ZNF444: variants seen among roughly 807,000 people sequenced by gnomAD.
ZNF444 encodes the protein endothelial zinc finger protein 2.
ZNF444 carries 8 observed loss-of-function variants against 14.4 expected under a neutral mutation model. That is an observed-to-expected ratio of 0.56 (90% CI 0.33 to 1.00). The LOEUF is 1.00. Among genes scored for constraint, ZNF444 ranks in the 50% least tolerant of loss-of-function variants. The pLI is 0.03. For missense variants in ZNF444, 510 were observed against 504.8 expected (o/e 1.01, Z -0.10); for synonymous variants, 258 against 235.9 (o/e 1.09, Z -0.86).
rs2032177999 is a variant in ZNF444 at position 56,159,925 on chromosome 19, C to T, written c.708C>T (p.Pro236=). ...CGCACCCCGGCAGCCCCGGCAGCCC[C>T]GGGCCCGCGCTGCGCCCTCTGCCCG... ...RDTHPGSPGS[P]GPALRPLPAR... Residue 236 remains proline (P), a synonymous_variant, in exon 5 of 5, where the codon CCC becomes CCT. Coordinates refer to ENST00000337080, the MANE Select transcript of ZNF444 (RefSeq NM_018337.4). 2 of 1,486,282 alleles carry T rather than the reference C, an allele frequency of 1.3e-6. No homozygotes were observed. The highest frequency in any genetic ancestry group is 4.7e-5 in the Admixed American group (2 of 42,258). 92.1% of individuals were successfully genotyped at this position (1,486,282 alleles called of 1,614,324 possible). A position where few individuals can be genotyped will look rare whatever the true frequency, so the allele number is the denominator to read the frequency against.
rs1394840915 is a variant in ZNF444 at position 56,159,651 on chromosome 19, C to T, written c.434C>T (p.Pro145Leu). ...LAGTAPGAEG[P>L]APGDSQAVRP... is the part of the protein sequence containing the mutation. ...GGCACCGCCCCTGGGGCTGAGGGGC[C>T]GGCGCCTGGGGACTCCCAGGCTGTG... The change falls in exon 5 of 5, where the codon CCG becomes CTG. Residue 145 changes from proline (P) to leucine (L), a missense_variant. Pro to Leu is a moderately conservative substitution (Grantham distance 98, BLOSUM62 -3). Transcript: ENST00000337080. The T allele has an allele frequency of 6.8e-7, 1 of 1,459,884 alleles. No individual in the cohort carries two copies. The allele number at this position is 1,459,884 out of a possible 1,614,324, so 90.4% of individuals were successfully genotyped here. A position where few individuals can be genotyped will look rare whatever the true frequency, so the allele number is the denominator to read the frequency against.
In ZNF444 at chr19:56,160,112, ATCCACGGCCGGGCAGCGGCCAGCGCG is replaced by A; in HGVS notation, c.896_921del (p.Ile299ThrfsTer98). 1 of 1,491,736 alleles carries A rather than the reference ATCCACGGCCGGGCAGCGGCCAGCGCG, an allele frequency of 6.7e-7. No homozygotes were observed. The highest frequency in any genetic ancestry group is 8.9e-7 in the Non-Finnish European group (1 of 1,127,606). 92.4% of individuals were successfully genotyped at this position (1,491,736 alleles called of 1,614,324 possible). A position where few individuals can be genotyped will look rare whatever the true frequency, so the allele number is the denominator to read the frequency against. On this transcript the variant is annotated frameshift_variant, in exon 5 of 5. Transcript: ENST00000337080. LOFTEE classifies it low-confidence loss of function (END_TRUNC). ...CGAGCACGTGCTGCGCCACCAGCGC[ATCCACGGCCGGGCAGCGGCCAGCGCG>A]CAGGGGGCGGTAGCTCCGGGCCCGG...
At chr19:56,142,845 A>G (rs187939361) in intron 1 of ZNF444, among the ~76,000 whole-genome samples, 116 of 152,296 alleles carry the variant, frequency 7.6e-4, no homozygotes, top group African/African-American at 2.6e-3. Flanking sequence ...AACCCAGCAT[A>G]TGTGGGTGCT....
At chr19:56,156,828 CGCCTG>C (rs1345476364) in intron 3 of ZNF444, 1 of 152,460 alleles carries the variant, frequency 6.6e-6, no homozygotes, top group Non-Finnish European at 1.5e-5. Flanking sequence ...CCACAAGGCG[CGCCTG>C]TCCCCGCATG....
At chr19:56,150,512 C>G in intron 3 of ZNF444, 1 of 375,846 alleles carries the variant, frequency 2.7e-6, no homozygotes, top group East Asian at 7.2e-5. Flanking sequence ...AGGTTCAGAG[C>G]CTTCTCCTAT....
chr19:56,158,536 C>A lies in ZNF444; in HGVS notation c.340C>A (p.Pro114Thr), dbSNP rs149328297. 4 of 1,611,806 alleles carry A rather than the reference C, an allele frequency of 2.5e-6. No homozygotes were observed. The highest frequency in any genetic ancestry group is 3.4e-6 in the Non-Finnish European group (4 of 1,178,916). ...CGATGGGTCGTCAGCAACGAGGGTG[C>A]CTCAGGATGTGACGCAGGGCCCTGG... The part of the protein sequence containing the change: ...SPDGSSATRV[P>T]QDVTQGPGAT... The change falls in exon 4 of 5, where the codon CCT becomes ACT. Residue 114 changes from proline (P) to threonine (T), a missense_variant. Physicochemically the swap from Pro to Thr is conservative, Grantham distance 38. Coordinates refer to ENST00000337080, the MANE Select transcript of ZNF444 (RefSeq NM_018337.4).
chr19:56,144,383 A>G lies in ZNF444; in HGVS notation c.-196-1864A>G, dbSNP rs2123474175. Among the ~76,000 whole-genome samples the G allele has an allele frequency of 2.0e-5, 3 of 152,244 alleles. No homozygotes were observed. The East Asian group carries it at 5.8e-4, about 29-fold the overall frequency. ...GAATCTGGGAGCAGGCAGAGATGAG[A>G]AAGTAGGGCTGGGCTGCATGGTCTC... On this transcript the variant is annotated intron_variant, in intron 1 of 4. Transcript: ENST00000337080. This position sits in a 1 kb window ranked among gnomAD's most constrained non-coding sequence, Gnocchi z 4.0.
rs1661663434 is a variant in ZNF444, at chr19:56,159,840, C to G, written c.623C>G (p.Ala208Gly). Reference sequence around the variant, plus strand: ...AGCCACTCGGGCGAGAAGCCGCACGCCTGCCCTGAGTGCGGGAAGGCCTTT... The same window carrying G: ...AGCCACTCGGGCGAGAAGCCGCACGGCTGCCCTGAGTGCGGGAAGGCCTTT... ...RQSHSGEKPH[A>G]CPECGKAFRR... The change falls in exon 5 of 5, where the codon GCC becomes GGC. Residue 208 changes from alanine (A) to glycine (G), a missense_variant. Ala to Gly is a moderately conservative substitution (Grantham distance 60). Transcript: ENST00000337080. The G allele has an allele frequency of 1.3e-6, 2 of 1,563,310 alleles. No homozygotes were observed. Among genetic ancestry groups the G allele is most frequent in the Non-Finnish European group, 1.7e-6 (2 of 1,160,854 alleles).
In ZNF444 at chr19:56,145,627, C is replaced by G. The variant is rs1434706077; in HGVS notation, c.-196-620C>G. On this transcript the variant is annotated intron_variant, in intron 1 of 4. Coordinates refer to ENST00000337080, the MANE Select transcript of ZNF444 (RefSeq NM_018337.4). The surrounding 1 kb of genome is among the most constrained non-coding windows in gnomAD (Gnocchi z 4.3). ...AAAAAAATAGAGACAGGAGAGCTCG[C>G]TGCCTCTCTCTATTCTACGCCATGG... Among the ~76,000 whole-genome samples the G allele has an allele frequency of 6.6e-6, 1 of 152,090 alleles. No individual in the cohort carries two copies. The highest frequency in any genetic ancestry group is 1.5e-5 in the Non-Finnish European group (1 of 68,014).
In ZNF444 at chr19:56,160,069, C is replaced by T. The variant is rs748641556; in HGVS notation, c.852C>T (p.Gly284=). 6.6e-7 allele frequency: 1 copy of T among 1,504,886 alleles called. No individual in the cohort carries two copies. Among genetic ancestry groups the T allele is most frequent in the Non-Finnish European group, 8.8e-7 (1 of 1,131,848 alleles). The allele number at this position is 1,504,886 out of a possible 1,614,324, so 93.2% of individuals were successfully genotyped here. Residue 284 remains glycine (G), a synonymous_variant, in exon 5 of 5, where the codon GGC becomes GGT. Transcript: ENST00000337080. ...GGCCCTTTGCCTGCTGGGAGTGTGG[C>T]AAGGGCTTCGGGCGCCGCGAGCACG... ...GARPFACWEC[G]KGFGRREHVL...
Position 56,160,299 on chromosome 19 carries a change from C to T in ZNF444, c.*98C>T. On this transcript the variant is annotated 3_prime_UTR_variant, in exon 5 of 5. Transcript: ENST00000337080. Reference sequence around the variant, plus strand: ...CTTGGCCTCTTCCTCTCCTCCTTCCCTCCCATCGTCCTCCTCCACCTGCGC... The same window carrying T: ...CTTGGCCTCTTCCTCTCCTCCTTCCTTCCCATCGTCCTCCTCCACCTGCGC... The T allele has an allele frequency of 3.0e-6, 3 of 996,338 alleles. No homozygotes were observed. Among genetic ancestry groups the T allele is most frequent in the South Asian group, 2.0e-5 (1 of 50,776 alleles). 61.7% of individuals were successfully genotyped at this position (996,338 alleles called of 1,614,324 possible).
chr19:56,141,682 T>TG (rs1266851125), intron 1 of ZNF444: 2 of 6,042 alleles, frequency 3.3e-4, no homozygotes, highest in Non-Finnish European at 6.9e-4. Context: ...GAGGGACAGG[T>TG]GGGGGAGGGG....
chr19:56,154,672 C>T (rs1215333777), intron 3 of ZNF444: 1 of 149,010 alleles, frequency 6.7e-6, no homozygotes, highest in Non-Finnish European at 1.5e-5. Flanking sequence ...CTCAACAGAA[C>T]ATCGGCAGCT....
At chr19:56,151,853 G>A (rs2243938) in intron 3 of ZNF444, 11 of 424,168 alleles carry the variant, frequency 2.6e-5, no homozygotes, top group Non-Finnish European at 4.7e-5. Flanking sequence ...GGAAACTGAC[G>A]GTGGTGTATA....
At chr19:56,135,019 C>A (rs1228381540) in intron 1 of ZNF444, among the ~76,000 whole-genome samples, 1 of 151,870 alleles carries the variant, frequency 6.6e-6, no homozygotes, top group East Asian at 1.9e-4. Context: ...ATCACGAGGT[C>A]AGGAGATCGA....
chr19:56,150,232 T>C (rs2031490201), intron 3 of ZNF444: 1 of 216,432 alleles, frequency 4.6e-6, no homozygotes, highest in South Asian at 6.8e-5. Context: ...AAAATGTTCT[T>C]TTAGGAAAAG....
chr19:56,148,587 TC>T (rs2031359412), intron 3 of ZNF444, among the ~76,000 whole-genome samples: 2 of 151,114 alleles, frequency 1.3e-5, no homozygotes, highest in Admixed American at 1.3e-4. Flanking sequence ...CCCCAGACAC[TC>T]CCCCCTCTTA....
At chr19:56,148,654 T>G (rs2031366013) in intron 3 of ZNF444, among the ~76,000 whole-genome samples, 1 of 152,176 alleles carries the variant, frequency 6.6e-6, no homozygotes, top group Admixed American at 6.5e-5. Flanking sequence ...ACCTCTGTGC[T>G]GGCTCTGGCT....
chr19:56,134,189 G>C (rs2030560484), intron 1 of ZNF444, among the ~76,000 whole-genome samples: 1 of 152,128 alleles, frequency 6.6e-6, no homozygotes, highest in Non-Finnish European at 1.5e-5. Flanking sequence ...TGCCCTGGGG[G>C]ATCTTAGTGC....
Sources: allele counts gnomAD v4.1 joint callset (sites outside exome capture counted in the v4.1 genomes callset), GRCh38; gene constraint gnomAD v4.1.1; non-coding constraint Gnocchi (gnomAD v3.1); transcripts MANE v1.5; gene names NCBI Gene and HGNC (gene_info 2026-07-23, HGNC 2026-07-21).